IMPG1: variants seen among roughly 807,000 people sequenced by gnomAD.
IMPG1 encodes interphotoreceptor matrix proteoglycan 1, also known as interphotoreceptor matrix proteoglycan of 150 kDa.
IMPG1 carries 85 observed loss-of-function variants against 92.0 expected under a neutral mutation model. The observed-to-expected ratio is 0.92, with a 90% confidence interval of 0.78 to 1.11. IMPG1 has a LOEUF of 1.11. IMPG1 is among the 50% of genes least tolerant of loss of function. The pLI, the probability that IMPG1 is intolerant of heterozygous loss-of-function variation, is 0.00. For missense variants in IMPG1, 1,022 were observed against 956.0 expected (o/e 1.07, Z -0.91); for synonymous variants, 367 against 334.1 (o/e 1.10, Z -1.08).
chr6:76,024,732 G>A (rs1469751379), intron 5 of IMPG1, among the ~76,000 whole-genome samples: 1 of 152,200 alleles, frequency 6.6e-6, no homozygotes, highest in African/African-American at 2.4e-5. Flanking sequence ...TATTTGTAAT[G>A]TCAGATACAA....
chr6:76,032,944 T>C (rs935886708), intron 4 of IMPG1, among the ~76,000 whole-genome samples: 24 of 152,132 alleles, frequency 1.6e-4, no homozygotes, highest in Non-Finnish European at 2.8e-4. Context: ...TCTGCCTCAG[T>C]GAAAGTTCTA....
intron 14 of IMPG1, among the ~76,000 whole-genome samples, chr6:75,931,598 G>T (rs1301704769): frequency 1.3e-5 from 2 of 151,844 alleles, no homozygotes; most frequent in South Asian, 2.1e-4. Context: ...TTTTAAGTAA[G>T]CATTTATAAA....
intron 6 of IMPG1, 109 bp downstream of exon 6, chr6:76,022,007 T>G (rs1783436137): frequency 1.7e-6 from 1 of 580,974 alleles, no homozygotes; most frequent in Admixed American, 2.3e-5. Context: ...GTCACAAAAA[T>G]ACAGCACTAA....
At chr6:76,032,687 A>G (rs530232591) in intron 4 of IMPG1, among the ~76,000 whole-genome samples, 1 of 152,206 alleles carries the variant, frequency 6.6e-6, no homozygotes, top group Non-Finnish European at 1.5e-5. Flanking sequence ...ATAGTCTGTT[A>G]AGACATCCTG....
chr6:76,064,742 G>T (rs1278409194), intron 1 of IMPG1, among the ~76,000 whole-genome samples: 2 of 152,108 alleles, frequency 1.3e-5, no homozygotes, highest in African/African-American at 4.8e-5. Flanking sequence ...ACCTCTCCTG[G>T]TAAACAAAGA....
At chr6:75,949,879 T>C (rs1238444048) in intron 13 of IMPG1, among the ~76,000 whole-genome samples, 4 of 152,222 alleles carry the variant, frequency 2.6e-5, no homozygotes, top group Non-Finnish European at 5.9e-5. Context: ...TCAGACATTC[T>C]GCCATCTGTG....
chr6:75,972,924 T>C (rs947171450), intron 12 of IMPG1, among the ~76,000 whole-genome samples: 2 of 152,168 alleles, frequency 1.3e-5, no homozygotes, highest in African/African-American at 4.8e-5. Flanking sequence ...CTAATGATCA[T>C]TTTTTATAGA....
intron 12 of IMPG1, among the ~76,000 whole-genome samples, chr6:75,954,398 G>T (rs569375839): frequency 6.6e-6 from 1 of 152,046 alleles, no homozygotes; most frequent in Non-Finnish European, 1.5e-5. Context: ...TTTGTTGGCC[G>T]CATAAATGTC....
chr6:76,004,677 A>G (rs1377225897), intron 10 of IMPG1, among the ~76,000 whole-genome samples: 1 of 150,572 alleles, frequency 6.6e-6, no homozygotes, highest in African/African-American at 2.4e-5. Context: ...CTCTAGATCC[A>G]CTCTCCCCTC....
chr6:76,001,648 T>C (rs1159522832), intron 12 of IMPG1, among the ~76,000 whole-genome samples: 1 of 152,174 alleles, frequency 6.6e-6, no homozygotes, highest in Non-Finnish European at 1.5e-5. Flanking sequence ...TGAGCACTGA[T>C]TTGCCAGCCA....
chr6:76,054,848 AAGAC>A (rs1188621009), intron 1 of IMPG1, among the ~76,000 whole-genome samples: 1 of 152,170 alleles, frequency 6.6e-6, no homozygotes, highest in Non-Finnish European at 1.5e-5. Flanking sequence ...TACAAAGGCA[AAGAC>A]AGACAGGTCA....
intron 12 of IMPG1, among the ~76,000 whole-genome samples, chr6:75,982,115 C>T (rs530520380): frequency 1.3e-5 from 2 of 152,190 alleles, no homozygotes; most frequent in South Asian, 4.1e-4. Flanking sequence ...CATATATTAA[C>T]ATTAAGCCAT....
chr6:76,051,039 T>C (rs1382511982), intron 1 of IMPG1, among the ~76,000 whole-genome samples: 1 of 152,068 alleles, frequency 6.6e-6, no homozygotes, highest in Non-Finnish European at 1.5e-5. Context: ...ACAAAAATCA[T>C]AATTTGAGGA....
chr6:75,943,918 T>C (rs1244772556), intron 14 of IMPG1, among the ~76,000 whole-genome samples: 1 of 152,212 alleles, frequency 6.6e-6, no homozygotes, highest in African/African-American at 2.4e-5. Context: ...AAAAAGTCTT[T>C]TGGAATGAAA....
intron 12 of IMPG1, among the ~76,000 whole-genome samples, chr6:75,957,650 C>A (rs544636852): frequency 1.6e-4 from 24 of 152,144 alleles, no homozygotes; most frequent in South Asian, 1.2e-3. Flanking sequence ...GATCTCTTTG[C>A]CATTATGTAA....
At chr6:75,945,614 G>T (rs574848564) in intron 14 of IMPG1, among the ~76,000 whole-genome samples, 2 of 152,150 alleles carry the variant, frequency 1.3e-5, no homozygotes, top group Non-Finnish European at 2.9e-5. Flanking sequence ...GCCTCCCAAA[G>T]TGCTGGGATT....
In IMPG1 at chr6:75,951,085, CAAG is replaced by C; in HGVS notation, c.1298_1300del (p.Ser433del). On this transcript the variant is annotated inframe_deletion, in exon 13 of 17. Coordinates refer to ENST00000369950, the MANE Select transcript of IMPG1 (RefSeq NM_001563.4). ...GGTAGAGGCCATAGCAGGTGGAGAC[CAAG>C]AAGTGTCTGTGGAGGAAGTACAATT... The C allele has an allele frequency of 6.2e-7, 1 of 1,603,498 alleles. No individual in the cohort carries two copies. Among genetic ancestry groups the C allele is most frequent in the South Asian group, 1.1e-5 (1 of 89,648 alleles).
At chr6:75,928,828 T>A (rs756082584) in intron 15 of IMPG1, among the ~76,000 whole-genome samples, 3 of 152,254 alleles carry the variant, frequency 2.0e-5, no homozygotes, top group Non-Finnish European at 4.4e-5. Flanking sequence ...CAGTGCCATA[T>A]GGTTGAACCT....
At chr6:75,987,769 C>G (rs772130878) in intron 12 of IMPG1, among the ~76,000 whole-genome samples, 72 of 151,900 alleles carry the variant, frequency 4.7e-4, no homozygotes, top group Non-Finnish European at 8.1e-4. Context: ...CTCAGCCTCC[C>G]GAGTAGCCGG....
Sources: allele counts gnomAD v4.1 joint callset (sites outside exome capture counted in the v4.1 genomes callset), GRCh38; gene constraint gnomAD v4.1.1; transcripts MANE v1.5; gene names NCBI Gene and HGNC (gene_info 2026-07-23, HGNC 2026-07-21).